The following SMCO1 variants were observed in gnomAD, a reference collection of about 807,000 sequenced individuals.
SMCO1 encodes single-pass membrane and coiled-coil domain-containing protein 1.
SMCO1 carries 9 observed loss-of-function variants against 7.5 expected under a neutral mutation model. That is an observed-to-expected ratio of 1.20 (90% CI 0.72 to 2.09). The LOEUF is 2.09. SMCO1 is among the 30% of genes most tolerant of loss of function. SMCO1 has a pLI of 0.00. For missense variants in SMCO1, 219 were observed against 253.1 expected (o/e 0.87, Z 0.91); for synonymous variants, 90 against 93.8 (o/e 0.96, Z 0.23).
upstream of SMCO1, among the ~76,000 whole-genome samples, chr3:196,520,193 C>G (rs533907818): frequency 2.0e-5 from 3 of 152,254 alleles, no homozygotes; most frequent in South Asian, 4.1e-4. Context: ...CTGGAGGGAG[C>G]CTTGCTTTTA....
upstream of SMCO1, among the ~76,000 whole-genome samples, chr3:196,518,343 T>C (rs1733430513): frequency 6.6e-6 from 1 of 152,262 alleles, no homozygotes; most frequent in Non-Finnish European, 1.5e-5. Flanking sequence ...AGGGGAGCTG[T>C]TCTCTTCCTT....
In SMCO1 at chr3:196,514,810, C is replaced by T. The variant is rs191771097; in HGVS notation, c.50+350G>A. 2.9e-3 allele frequency among the ~76,000 whole-genome samples: 441 copies of T among 152,264 alleles called. 3 individuals are homozygous for T. Among genetic ancestry groups the T allele is most frequent in the African/African-American group, 0.01 (422 of 41,544 alleles). ...AGGCTGGAGTGCAGTGGCACGATCT[C>T]GGCTCACTGCAACCTCCACCTCCCG... On this transcript the variant is annotated intron_variant, in intron 1 of 2. Coordinates refer to ENST00000397537, the MANE Select transcript of SMCO1 (RefSeq NM_001077657.3).
chr3:196,513,437 TG>T (rs979640058), intron 1 of SMCO1, among the ~76,000 whole-genome samples: 3 of 152,136 alleles, frequency 2.0e-5, no homozygotes, highest in African/African-American at 7.2e-5. Context: ...GAGACCATCC[TG>T]GCCAACATGG....
chr3:196,508,221 G>C lies in SMCO1; in HGVS notation c.311C>G (p.Thr104Ser). 3 of 1,614,148 alleles carry C rather than the reference G, an allele frequency of 1.9e-6. No individual in the cohort carries two copies. Among genetic ancestry groups the C allele is most frequent in the Non-Finnish European group, 1.7e-6 (2 of 1,180,046 alleles). ...KLPDLVRGLPTLASVLRRKVK... is the reference protein window; with the variant it reads ...KLPDLVRGLPSLASVLRRKVK... ...TTTTCTTCTGAGTACAGAGGCTAAG[G>C]TTGGAAGACCTCTCACCAGGTCTGG... Residue 104 changes from threonine to serine, a missense_variant, in exon 3 of 3, where the codon ACC becomes AGC. Transcript: ENST00000397537.
At chr3:196,517,592 CT>C (rs1219998068), upstream of SMCO1, among the ~76,000 whole-genome samples, 15 of 145,882 alleles carry the variant, frequency 1.0e-4, no homozygotes, top group Non-Finnish European at 4.5e-5. Flanking sequence ...CCCCCCATAC[CT>C]TTCCCTATAC....
the SMCO1 span, among the ~76,000 whole-genome samples, chr3:196,520,432 C>A: frequency 6.6e-6 from 1 of 152,088 alleles, no homozygotes; most frequent in Admixed American, 6.6e-5. Context: ...TGTCCCAACC[C>A]TTCTAGTCCC....
upstream of SMCO1, among the ~76,000 whole-genome samples, chr3:196,516,907 T>A (rs1236927160): frequency 1.3e-5 from 2 of 151,998 alleles, no homozygotes; most frequent in Non-Finnish European, 2.9e-5. Flanking sequence ...GAGACCAGCT[T>A]GGCCAACATG....
chr3:196,509,717 T>G (rs1378255939), intron 1 of SMCO1, 48 bp from the exon 2 acceptor site: 2 of 1,502,890 alleles, frequency 1.3e-6, no homozygotes, highest in African/African-American at 2.8e-5. Flanking sequence ...AGGACAAAAC[T>G]AAGGTTTTGA....
At chr3:196,509,400 G>C in intron 2 of SMCO1, 120 bp downstream of exon 2, 2 of 893,118 alleles carry the variant, frequency 2.2e-6, no homozygotes, top group Non-Finnish European at 3.3e-6. Context: ...ATGAACCTAA[G>C]AAAATGTAAT....
intron 1 of SMCO1, among the ~76,000 whole-genome samples, chr3:196,513,841 A>C (rs748751878): frequency 6.6e-6 from 1 of 152,206 alleles, no homozygotes; most frequent in African/African-American, 2.4e-5. Context: ...CTCAACCAAC[A>C]TGCAAATCTC....
chr3:196,517,073 C>G (rs183882300), upstream of SMCO1, among the ~76,000 whole-genome samples: 419 of 130,328 alleles, frequency 3.2e-3, 2 homozygotes, highest in East Asian at 0.019. Context: ...CCACTGCACT[C>G]CAGCCTGGGT....
intron 1 of SMCO1, 132 bp from the exon 2 acceptor site, chr3:196,509,801 T>G: frequency 4.3e-6 from 3 of 700,598 alleles, no homozygotes; most frequent in Non-Finnish European, 6.7e-6. Flanking sequence ...TTACTTTTAC[T>G]TTAAACTATG....
chr3:196,514,816 A>G (rs1051431229), intron 1 of SMCO1, among the ~76,000 whole-genome samples: 5 of 152,130 alleles, frequency 3.3e-5, no homozygotes, highest in African/African-American at 9.7e-5. Flanking sequence ...ATCTCGGCTC[A>G]CTGCAACCTC....
chr3:196,509,526 GC>G lies in SMCO1; in HGVS notation c.193del (p.Ala65HisfsTer9). 6.2e-7 allele frequency: 1 copy of G among 1,612,948 alleles called. No homozygotes were observed. The highest frequency in any genetic ancestry group is 8.5e-7 in the Non-Finnish European group (1 of 1,179,176). Reference protein sequence around the residue: ...AQDEMWTAVRALQLTSMELNI... With the variant: ...AQDEMWTAVRXLQLTSMELNI... ...TTTCTCAATTGATACTCACTGGAGT[GC>G]CCGAACTGCTGTCCACATCTCATCT... On this transcript the variant is annotated frameshift_variant, in exon 2 of 3. Transcript: ENST00000397537. LOFTEE classifies it low-confidence loss of function (END_TRUNC).
At chr3:196,508,457 A>G in intron 2 of SMCO1, 126 bp from the exon 3 acceptor site, 1 of 717,874 alleles carries the variant, frequency 1.4e-6, no homozygotes, top group African/African-American at 1.8e-5. Flanking sequence ...TTTAGAAAAT[A>G]TTTACTTTAG....
At chr3:196,509,465 A>G (rs958519449) in intron 2 of SMCO1, 55 bp downstream of exon 2, 2 of 1,482,538 alleles carry the variant, frequency 1.3e-6, no homozygotes, top group Middle Eastern at 1.8e-4. Context: ...TGCAATGACC[A>G]GTGGAAGCTC....
chr3:196,507,363 C>G lies in SMCO1; in HGVS notation c.*524G>C, dbSNP rs150329017. ...CCTCCTACCTTGGCCTCCTAAGGTG[C>G]TTGGATTATAGGCATGAGCCACCAT... On this transcript the variant is annotated 3_prime_UTR_variant, in exon 3 of 3. Transcript: ENST00000397537. 6.6e-6 allele frequency: 1 copy of G among 152,374 alleles called. No homozygotes were observed. The highest frequency in any genetic ancestry group is 2.4e-5 in the African/African-American group (1 of 41,542). 9.4% of individuals were successfully genotyped at this position (152,374 alleles called of 1,614,324 possible).
At chr3:196,512,440 A>G (rs1472835909) in intron 1 of SMCO1, among the ~76,000 whole-genome samples, 1 of 151,788 alleles carries the variant, frequency 6.6e-6, no homozygotes, top group Non-Finnish European at 1.5e-5. Context: ...CTTGGTCCTA[A>G]ATTTCTCCCT....
At chr3:196,509,392 G>T (rs1733154239) in intron 2 of SMCO1, 128 bp downstream of exon 2, 2 of 845,926 alleles carry the variant, frequency 2.4e-6, no homozygotes, top group South Asian at 2.1e-5. Flanking sequence ...AAAAATAAAT[G>T]AACCTAAGAA....
Sources: allele counts gnomAD v4.1 joint callset (sites outside exome capture counted in the v4.1 genomes callset), GRCh38; gene constraint gnomAD v4.1.1; transcripts MANE v1.5; gene names NCBI Gene and HGNC (gene_info 2026-07-23, HGNC 2026-07-21).